Variants in PTPN11 observed in about 807,000 individuals in gnomAD.
PTPN11 encodes the protein tyrosine-protein phosphatase non-receptor type 11.
Under a neutral mutation model 78.8 loss-of-function variants are expected in PTPN11, and 6 were observed. The observed-to-expected ratio is 0.08, with a 90% CI of 0.04 to 0.15. PTPN11 has a LOEUF of 0.15. Among genes scored for constraint, PTPN11 ranks in the 10% least tolerant of loss-of-function variants. PTPN11 has a pLI of 1.00. For synonymous variants in PTPN11, 221 were observed against 263.5 expected, an observed-to-expected ratio of 0.84 and a Z score of 1.56; for missense variants, 386 against 744.8, an observed-to-expected ratio of 0.52 and a Z score of 5.61.
chr12:112,474,405 G>A (rs1400435164), intron 7 of PTPN11, among the ~76,000 whole-genome samples: 1 of 151,990 alleles, frequency 6.6e-6, no homozygotes, highest in Non-Finnish European at 1.5e-5. Flanking sequence ...TTTTTCTAGG[G>A]CGGGGTCTCC....
intron 1 of PTPN11, among the ~76,000 whole-genome samples, chr12:112,429,708 G>A (rs2037680470): frequency 6.6e-6 from 1 of 151,252 alleles, no homozygotes; most frequent in South Asian, 2.1e-4. Flanking sequence ...GGAGGCTGAA[G>A]CAGGAGAATC....
intron 10 of PTPN11, among the ~76,000 whole-genome samples, chr12:112,485,178 G>A (rs1446973730): frequency 6.6e-6 from 1 of 152,036 alleles, no homozygotes; most frequent in Non-Finnish European, 1.5e-5. Flanking sequence ...TGCTTGAATC[G>A]GGGAGGCGTA....
At position 112,450,611 on chromosome 12, in the gene PTPN11, CTTG is replaced by C. The variant is rs976323952; in HGVS notation, c.332+101_332+103del. 46 of 1,165,916 alleles carry C rather than the reference CTTG, an allele frequency of 3.9e-5. No homozygotes were observed. In the African/African-American group the frequency reaches 6.7e-4, roughly 17 times the overall value. 72.2% of individuals were successfully genotyped at this position (1,165,916 alleles called of 1,614,324 possible). A position where few individuals can be genotyped will look rare whatever the true frequency, so the allele number is the denominator to read the frequency against. On this transcript the variant is annotated intron_variant, in intron 3 of 15. Transcript: ENST00000351677. ...GTGTATGACTCTCTGACTCCAAAGG[CTTG>C]TGACTGTTTTTTGAGCTGTAATCTT...
At chr12:112,491,215 C>T (rs2038740606) in intron 13 of PTPN11, among the ~76,000 whole-genome samples, 1 of 151,412 alleles carries the variant, frequency 6.6e-6, no homozygotes, top group Non-Finnish European at 1.5e-5. Flanking sequence ...AAACAGTTCT[C>T]ACACTCTGCC....
intron 3 of PTPN11, among the ~76,000 whole-genome samples, chr12:112,452,758 G>A (rs1297571982): frequency 1.3e-5 from 2 of 151,746 alleles, no homozygotes; most frequent in Non-Finnish European, 1.5e-5. Context: ...TGAACTCCTG[G>A]CCTCAAGTGA....
chr12:112,455,873 T>G, intron 5 of PTPN11, 77 bp from the exon 6 acceptor site: 2 of 298,220 alleles, frequency 6.7e-6, no homozygotes, highest in Non-Finnish European at 1.2e-5. Flanking sequence ...ATAGACATGT[T>G]TTTTTTTTTT....
chr12:112,468,707 G>T (rs1326971308), intron 6 of PTPN11, among the ~76,000 whole-genome samples: 1 of 152,162 alleles, frequency 6.6e-6, no homozygotes, highest in Admixed American at 6.5e-5. Context: ...CAGCCATCTT[G>T]ACTGTGCACT....
chr12:112,484,097 G>A (rs761945761), intron 10 of PTPN11, among the ~76,000 whole-genome samples: 5 of 152,128 alleles, frequency 3.3e-5, no homozygotes, highest in Non-Finnish European at 7.3e-5. Context: ...CACAGATGCC[G>A]GTAGATGAGC....
At chr12:112,462,823 T>C (rs2038268219) in intron 6 of PTPN11, among the ~76,000 whole-genome samples, 1 of 152,202 alleles carries the variant, frequency 6.6e-6, no homozygotes, top group Non-Finnish European at 1.5e-5. Flanking sequence ...ATTCAACCTA[T>C]TGATGGGCAT....
intron 12 of PTPN11, among the ~76,000 whole-genome samples, chr12:112,488,806 G>A (rs1199794881): frequency 6.6e-6 from 1 of 152,210 alleles, no homozygotes; most frequent in African/African-American, 2.4e-5. Context: ...TTGTTGGCAA[G>A]TGAGGGAATC....
intron 2 of PTPN11, among the ~76,000 whole-genome samples, chr12:112,447,432 G>A (rs2038010569): frequency 6.6e-6 from 1 of 152,052 alleles, no homozygotes; most frequent in Non-Finnish European, 1.5e-5. Context: ...CACATACATG[G>A]ATTTATAATG....
intron 13 of PTPN11, among the ~76,000 whole-genome samples, chr12:112,493,745 A>C (rs1054275019): frequency 6.6e-6 from 1 of 152,124 alleles, no homozygotes; most frequent in African/African-American, 2.4e-5. Context: ...TCCAAAATGT[A>C]TTCATCTTAT....
At chr12:112,432,877 T>C (rs2037734824) in intron 1 of PTPN11, among the ~76,000 whole-genome samples, 1 of 152,014 alleles carries the variant, frequency 6.6e-6, no homozygotes, top group African/African-American at 2.4e-5. Flanking sequence ...TTTTTTTTTT[T>C]TGAGATGGAG....
intron 1 of PTPN11, among the ~76,000 whole-genome samples, chr12:112,429,082 C>T (rs2037669883): frequency 6.6e-6 from 1 of 152,090 alleles, no homozygotes; most frequent in Non-Finnish European, 1.5e-5. Flanking sequence ...AGAGACAGCT[C>T]CAGAGCCATG....
chr12:112,490,939 T>A (rs1385290569), intron 13 of PTPN11, among the ~76,000 whole-genome samples: 1 of 152,210 alleles, frequency 6.6e-6, no homozygotes, highest in African/African-American at 2.4e-5. Flanking sequence ...CCCAGCTGAT[T>A]TATAAATGAA....
intron 13 of PTPN11, among the ~76,000 whole-genome samples, chr12:112,498,913 G>T (rs1283101517): frequency 2.0e-5 from 3 of 152,100 alleles, no homozygotes; most frequent in Non-Finnish European, 4.4e-5. Flanking sequence ...CTTTTCCTTG[G>T]ATTCCTTTGA....
chr12:112,437,641 T>C (rs2037815066), intron 1 of PTPN11, among the ~76,000 whole-genome samples: 1 of 152,134 alleles, frequency 6.6e-6, no homozygotes, highest in African/African-American at 2.4e-5. Context: ...TAGGTATCAG[T>C]GTTATATTTA....
intron 6 of PTPN11, among the ~76,000 whole-genome samples, chr12:112,457,821 C>T (rs984980039): frequency 6.6e-6 from 1 of 152,192 alleles, no homozygotes; most frequent in African/African-American, 2.4e-5. Context: ...TTCATTTTCT[C>T]CTCATCCATT....
chr12:112,432,513 C>G (rs999520509), intron 1 of PTPN11, among the ~76,000 whole-genome samples: 8 of 151,854 alleles, frequency 5.3e-5, no homozygotes, highest in Admixed American at 4.6e-4. Flanking sequence ...TAAAAACATA[C>G]AAACAATTAG....
Sources: allele counts gnomAD v4.1 joint callset (sites outside exome capture counted in the v4.1 genomes callset), GRCh38; gene constraint gnomAD v4.1.1; transcripts MANE v1.5; gene names NCBI Gene and HGNC (gene_info 2026-07-23, HGNC 2026-07-21).